Variants in ANKRD50 observed in about 807,000 individuals in gnomAD.
The protein encoded by ANKRD50 is ankyrin repeat domain 50, also known as ankyrin repeat domain-containing protein 50.
A neutral mutation model predicts 112.0 loss-of-function variants in ANKRD50; 40 were observed. That is an observed-to-expected ratio of 0.36 (90% CI 0.28 to 0.46). ANKRD50 has a LOEUF of 0.46. Among genes scored for constraint, ANKRD50 ranks in the 20% least tolerant of loss-of-function variants. The probability of loss-of-function intolerance (pLI) is 1.00; values close to 1 mark genes in which losing one functional copy is unlikely to be tolerated. For missense variants in ANKRD50, 1,487 were observed against 1,701.7 expected (o/e 0.87, Z 2.22); for synonymous variants, 613 against 619.1 (o/e 0.99, Z 0.15).
In ANKRD50 at chr4:124,710,165, T is replaced by C. The variant is rs1199845445; in HGVS notation, c.347A>G (p.Gln116Arg). ...TCCAACACACAAAGTATCAGAGTCC[T>C]GGGCTTTGCAGAAATGAAAGGCCAA... ...QALAFHFCKA[Q>R]DSDTLCVGGF... Residue 116 changes from glutamine (Q) to arginine (R), a missense_variant, in exon 2 of 5, where the codon CAG becomes CGG. Physicochemically the swap from Gln to Arg is conservative, Grantham distance 43 (BLOSUM62 1). This residue lies in a region of ANKRD50 where 1,046 missense variants were observed against 1,269.5 expected (regional missense o/e 0.82). Transcript: ENST00000504087. 2 of 1,614,180 alleles carry C rather than the reference T, an allele frequency of 1.2e-6. No individual in the cohort carries two copies. The highest frequency in any genetic ancestry group is 1.1e-5 in the South Asian group (1 of 91,084).
chr4:124,676,922 G>C (rs922551817), intron 3 of ANKRD50, among the ~76,000 whole-genome samples: 5 of 151,446 alleles, frequency 3.3e-5, no homozygotes, highest in African/African-American at 1.2e-4. Context: ...AGGGAGAAAG[G>C]GTTCAACAGT....
In ANKRD50 at chr4:124,711,088, T is replaced by C. The variant is rs1048020824; in HGVS notation, c.-577A>G. On this transcript the variant is annotated 5_prime_UTR_variant, in exon 2 of 5. Transcript: ENST00000504087. ...CTAGATCGTGCCAGTTTCAGGCATCTGGGCAACTGCCAGGAACTGTTTCAG... is the reference window on the plus strand; with the variant it reads ...CTAGATCGTGCCAGTTTCAGGCATCCGGGCAACTGCCAGGAACTGTTTCAG... The C allele has an allele frequency of 8.1e-5, 20 of 247,852 alleles. No individual in the cohort carries two copies. The highest frequency in any genetic ancestry group is 4.0e-4 in the African/African-American group (18 of 45,114). The allele number at this position is 247,852 out of a possible 1,614,324, so 15.4% of individuals were successfully genotyped here. A position where few individuals can be genotyped will look rare whatever the true frequency, so the allele number is the denominator to read the frequency against.
chr4:124,696,898 T>G (rs1725266185), intron 2 of ANKRD50, among the ~76,000 whole-genome samples: 1 of 152,208 alleles, frequency 6.6e-6, no homozygotes, highest in Admixed American at 6.5e-5. Context: ...TAATGATTTT[T>G]CACACCCCAC....
At chr4:124,698,131 G>A (rs1046437895) in intron 2 of ANKRD50, among the ~76,000 whole-genome samples, 6 of 150,560 alleles carry the variant, frequency 4.0e-5, no homozygotes, top group Non-Finnish European at 7.4e-5. Context: ...GAATAATGAT[G>A]GGAAAGGGTA....
intron 1 of ANKRD50, among the ~76,000 whole-genome samples, chr4:124,711,542 G>C (rs949069531): frequency 6.6e-6 from 1 of 152,098 alleles, no homozygotes. Context: ...GCAAAGGAGG[G>C]GGGGAGAAAC....
At chr4:124,694,845 G>T (rs1167321405) in intron 2 of ANKRD50, among the ~76,000 whole-genome samples, 2 of 151,776 alleles carry the variant, frequency 1.3e-5, no homozygotes, top group Admixed American at 6.6e-5. Flanking sequence ...AGAGCAGGAA[G>T]AACAAAGATG....
At chr4:124,674,109 C>A (rs1730719455) in intron 3 of ANKRD50, among the ~76,000 whole-genome samples, 1 of 151,896 alleles carries the variant, frequency 6.6e-6, no homozygotes, top group Admixed American at 6.6e-5. Context: ...TATCAATTCA[C>A]TTTAAAATTT....
chr4:124,705,093 CA>C (rs34340105), intron 2 of ANKRD50, among the ~76,000 whole-genome samples: 8,538 of 143,864 alleles, frequency 0.059, 326 homozygotes, highest in African/African-American at 0.11. Context: ...GACTCCATCT[CA>C]AAAAAACAAA....
chr4:124,668,560 G>A (rs1201266977), intron 4 of ANKRD50, among the ~76,000 whole-genome samples: 1 of 151,928 alleles, frequency 6.6e-6, no homozygotes, highest in Non-Finnish European at 1.5e-5. Context: ...TTCTTAATCT[G>A]GGATCCATAA....
rs1166137048 is a variant in ANKRD50 at position 124,710,260 on chromosome 4, C to G, written c.252G>C (p.Thr84=). The change falls in exon 2 of 5, where the codon ACG becomes ACC. Residue 84 remains threonine (T), a synonymous_variant. Transcript: ENST00000504087. Reference sequence around the variant, plus strand: ...GCCATAAGAGTTCAGTACATAGGGCCGTCTTGCCACTGCCAGGCCCTCCTA... The same window carrying G: ...GCCATAAGAGTTCAGTACATAGGGCGGTCTTGCCACTGCCAGGCCCTCCTA... ...LLVGGPGSGK[T]ALCTELLWPS... is the part of the protein sequence containing the mutation. The G allele has an allele frequency of 3.1e-6, 5 of 1,614,212 alleles. No individual in the cohort carries two copies. Among genetic ancestry groups the G allele is most frequent in the Admixed American group, 1.7e-5 (1 of 60,022 alleles).
intron 2 of ANKRD50, among the ~76,000 whole-genome samples, chr4:124,689,706 G>C (rs914640596): frequency 6.6e-6 from 1 of 152,048 alleles, no homozygotes; most frequent in African/African-American, 2.4e-5. Context: ...CAGGCCTCTG[G>C]GCTCCACTGA....
chr4:124,699,681 G>A (rs1725344634), intron 2 of ANKRD50, among the ~76,000 whole-genome samples: 1 of 151,530 alleles, frequency 6.6e-6, no homozygotes. Flanking sequence ...TAATTTCAAT[G>A]TAAATTTCAA....
chr4:124,690,891 A>C (rs1725121529), intron 2 of ANKRD50, among the ~76,000 whole-genome samples: 1 of 152,228 alleles, frequency 6.6e-6, no homozygotes, highest in Non-Finnish European at 1.5e-5. Flanking sequence ...CCCCAAACAA[A>C]TTTGTGAGTA....
chr4:124,691,498 CAAAAAAAAAAAAA>C (rs71583369), intron 2 of ANKRD50, among the ~76,000 whole-genome samples: 187 of 59,774 alleles, frequency 3.1e-3, no homozygotes, highest in Non-Finnish European at 4.3e-3. Context: ...GACTCCGTCT[CAAAAAAAAAAAAA>C]AAAAAAAAAA....
chr4:124,711,940 T>A (rs1423522547), intron 1 of ANKRD50, among the ~76,000 whole-genome samples: 1 of 151,960 alleles, frequency 6.6e-6, no homozygotes, highest in Non-Finnish European at 1.5e-5. Flanking sequence ...AGGAAAGGGA[T>A]AAAGAGTAGA....
chr4:124,673,908 TAC>T (rs1730715394), intron 3 of ANKRD50, among the ~76,000 whole-genome samples: 1 of 152,046 alleles, frequency 6.6e-6, no homozygotes, highest in African/African-American at 2.4e-5. Context: ...TATATATGTA[TAC>T]ACACACAATT....
At chr4:124,696,930 T>C (rs1331575103) in intron 2 of ANKRD50, among the ~76,000 whole-genome samples, 1 of 152,192 alleles carries the variant, frequency 6.6e-6, no homozygotes, top group East Asian at 1.9e-4. Flanking sequence ...CATATCAATC[T>C]TGAAACATAA....
chr4:124,668,218 A>C (rs921394021), intron 4 of ANKRD50, among the ~76,000 whole-genome samples: 4 of 152,024 alleles, frequency 2.6e-5, no homozygotes, highest in African/African-American at 9.7e-5. Context: ...GGAGAAAAAA[A>C]AATTTATTTA....
rs1372775778 is a variant in ANKRD50 at position 124,664,997 on chromosome 4, T to A, written c.*2521A>T. The stretch of plus-strand genomic sequence containing the variant: ...ATAAAAATGTTATAAGCACATGCCA[T>A]CATAGTTGTGTAGTGGCAACAGCTG... On this transcript the variant is annotated 3_prime_UTR_variant, in exon 5 of 5. Coordinates refer to ENST00000504087, the MANE Select transcript of ANKRD50 (RefSeq NM_020337.3). The A allele has an allele frequency of 6.6e-6, 1 of 151,976 alleles. No homozygotes were observed. The highest frequency in any genetic ancestry group is 1.5e-5 in the Non-Finnish European group (1 of 67,884). 9.4% of individuals were successfully genotyped at this position (151,976 alleles called of 1,614,324 possible).
Sources: allele counts gnomAD v4.1 joint callset (sites outside exome capture counted in the v4.1 genomes callset), GRCh38; gene constraint gnomAD v4.1.1; regional missense constraint gnomAD v4.1.1; transcripts MANE v1.5; gene names NCBI Gene and HGNC (gene_info 2026-07-23, HGNC 2026-07-21).